The following GFRA2 variants were observed in gnomAD, a reference collection of about 807,000 sequenced individuals.
GFRA2 encodes the protein GDNF family receptor alpha-2.
GFRA2 carries 17 observed loss-of-function variants against 48.3 expected under a neutral mutation model. That is an observed-to-expected ratio of 0.35 (90% CI 0.24 to 0.53). The LOEUF (loss-of-function observed/expected upper bound fraction) is 0.53. Ranked by LOEUF, GFRA2 falls within the 20% of genes least tolerant of loss-of-function variation. GFRA2 has a pLI of 0.93. For missense variants in GFRA2, 660 were observed against 637.3 expected (o/e 1.04, Z -0.38); for synonymous variants, 305 against 257.2 (o/e 1.19, Z -1.78).
chr8:21,793,643 T>C (rs1355526192), upstream of GFRA2, among the ~76,000 whole-genome samples: 1 of 152,184 alleles, frequency 6.6e-6, no homozygotes, highest in African/African-American at 2.4e-5. Flanking sequence ...AGAGAAGTGA[T>C]TCAACTGCCC....
chr8:21,809,515 A>G (rs1014329233), intron 1 of GFRA2, among the ~76,000 whole-genome samples: 6 of 151,970 alleles, frequency 3.9e-5, no homozygotes, highest in Non-Finnish European at 7.4e-5. Context: ...TTTTAGTAGA[A>G]AAGGGGTTTC....
chr8:21,744,017 G>A (rs575167245), intron 4 of GFRA2, among the ~76,000 whole-genome samples: 3 of 152,300 alleles, frequency 2.0e-5, no homozygotes, highest in South Asian at 2.1e-4. Context: ...CACAGCCCAC[G>A]TAACCCCGTG....
At chr8:21,764,213 T>C (rs1461882591) in intron 3 of GFRA2, among the ~76,000 whole-genome samples, 1 of 152,158 alleles carries the variant, frequency 6.6e-6, no homozygotes, top group African/African-American at 2.4e-5. Flanking sequence ...AAGTCCAACA[T>C]CGAGGTGCTG....
intron 2 of GFRA2, among the ~76,000 whole-genome samples, chr8:21,799,750 C>G (rs1807739762): frequency 1.3e-5 from 2 of 152,156 alleles, no homozygotes; most frequent in Non-Finnish European, 1.5e-5. Context: ...AGTCCTCAAG[C>G]TAATCCCCCT....
At chr8:21,770,309 C>T (rs1038227847) in intron 3 of GFRA2, among the ~76,000 whole-genome samples, 2 of 152,278 alleles carry the variant, frequency 1.3e-5, no homozygotes, top group Admixed American at 6.5e-5. Flanking sequence ...GTTTTAAAAG[C>T]TAACCTGGCT....
In GFRA2 at chr8:21,690,448, G is replaced by A. The variant is rs1585211575; in HGVS notation, c.*2830C>T. The A allele has an allele frequency of 6.6e-6, 1 of 152,260 alleles. No individual in the cohort carries two copies. The highest frequency in any genetic ancestry group is 2.4e-5 in the African/African-American group (1 of 41,538). 9.4% of individuals were successfully genotyped at this position (152,260 alleles called of 1,614,324 possible). A position where few individuals can be genotyped will look rare whatever the true frequency, so the allele number is the denominator to read the frequency against. On this transcript the variant is annotated 3_prime_UTR_variant, in exon 9 of 9. Coordinates refer to ENST00000524240, the MANE Select transcript of GFRA2 (RefSeq NM_001495.5). ...TCTTCTAGTTCGATTTGCATATTTT[G>A]AGAGAATCACAAATAGGAATCATCT...
intron 3 of GFRA2, among the ~76,000 whole-genome samples, chr8:21,752,080 G>C (rs544125695): frequency 2.4e-4 from 36 of 152,242 alleles, no homozygotes; most frequent in African/African-American, 8.4e-4. Flanking sequence ...GCCTTTGTAA[G>C]CATGAATGAG....
intron 3 of GFRA2, among the ~76,000 whole-genome samples, chr8:21,758,055 T>C (rs1471106486): frequency 6.6e-6 from 1 of 152,062 alleles, no homozygotes; most frequent in Non-Finnish European, 1.5e-5. Context: ...CTCTGGTGCA[T>C]TTGTGACTCA....
chr8:21,715,825 A>C (rs1243739915), intron 4 of GFRA2, among the ~76,000 whole-genome samples: 1 of 152,212 alleles, frequency 6.6e-6, no homozygotes, highest in Non-Finnish European at 1.5e-5. Context: ...CCTAATAAGA[A>C]TACACATGCA....
Position 21,750,505 on chromosome 8 carries a change from C to G in GFRA2, c.794+83G>C. On this transcript the variant is annotated intron_variant, in intron 4 of 8. Coordinates refer to ENST00000524240, the MANE Select transcript of GFRA2 (RefSeq NM_001495.5). This position sits in a 1 kb window ranked among gnomAD's most constrained non-coding sequence, Gnocchi z 5.7. ...ACTCAGGGTCATAATTCGATGCACC[C>G]AAGGAATGCAGAGAAAGGAAAACAC... 1 of 753,360 alleles carries G rather than the reference C, an allele frequency of 1.3e-6. No homozygotes were observed. 46.7% of individuals were successfully genotyped at this position (753,360 alleles called of 1,614,324 possible). A position where few individuals can be genotyped will look rare whatever the true frequency, so the allele number is the denominator to read the frequency against.
chr8:21,703,156 G>A lies in GFRA2; in HGVS notation c.1046-179C>T, dbSNP rs143379403. Among the ~76,000 whole-genome samples, 363 of 152,230 alleles carry A rather than the reference G, an allele frequency of 2.4e-3. 1 individual carries two copies. Among genetic ancestry groups the A allele is most frequent in the African/African-American group, 8.6e-3 (357 of 41,542 alleles). ...ACCTCTTCTTCAGATACCTACAAAG[G>A]TCTCACAGCTACAGAATATAGCAAG... On this transcript the variant is annotated intron_variant, in intron 6 of 8. Coordinates refer to ENST00000524240, the MANE Select transcript of GFRA2 (RefSeq NM_001495.5).
At chr8:21,787,394 C>T (rs372438359) in intron 1 of GFRA2, among the ~76,000 whole-genome samples, 4,317 of 152,288 alleles carry the variant, frequency 0.028, 214 homozygotes, top group African/African-American at 0.099. Flanking sequence ...TTCCCACCAG[C>T]CACGGGGGTC....
intron 2 of GFRA2, among the ~76,000 whole-genome samples, chr8:21,775,653 G>A (rs1228823334): frequency 6.6e-6 from 1 of 152,132 alleles, no homozygotes; most frequent in East Asian, 1.9e-4. Context: ...GCCCCCCATC[G>A]TGTCACCAGG....
chr8:21,769,286 T>G, intron 3 of GFRA2: 5 of 306,724 alleles, frequency 1.6e-5, no homozygotes, highest in South Asian at 1.4e-4. Flanking sequence ...CCATGATCGA[T>G]TCCTGCACAC....
At chr8:21,777,080 T>C (rs1806743270) in intron 2 of GFRA2, among the ~76,000 whole-genome samples, 1 of 152,176 alleles carries the variant, frequency 6.6e-6, no homozygotes, top group Non-Finnish European at 1.5e-5. Flanking sequence ...ACTATTTTTC[T>C]CCCTGTTTGA....
intron 4 of GFRA2, among the ~76,000 whole-genome samples, chr8:21,720,655 A>G (rs1803550931): frequency 6.6e-6 from 1 of 152,098 alleles, no homozygotes; most frequent in African/African-American, 2.4e-5. Context: ...GTGACGTTTC[A>G]TATGCCTTGG....
intron 3 of GFRA2, among the ~76,000 whole-genome samples, chr8:21,774,400 C>G (rs1486747739): frequency 1.3e-5 from 2 of 152,016 alleles, no homozygotes; most frequent in African/African-American, 4.8e-5. Context: ...CCTGCAGACA[C>G]CTCCCTTCAT....
In GFRA2 at chr8:21,753,056, C is replaced by T. The variant is rs372182249; in HGVS notation, c.440-2114G>A. On this transcript the variant is annotated intron_variant, in intron 3 of 8. Coordinates refer to ENST00000524240, the MANE Select transcript of GFRA2 (RefSeq NM_001495.5). ...CATCACAGCAGCTGGAGAGAACCTT[C>T]TAGAACCTACAGCAGACAGCCATTG... Among the ~76,000 whole-genome samples the T allele has an allele frequency of 1.4e-4, 22 of 152,236 alleles. 1 individual carries two copies. The highest frequency in any genetic ancestry group is 1.0e-3 in the South Asian group (5 of 4,822).
At chr8:21,712,250 C>G (rs1337261099) in intron 4 of GFRA2, among the ~76,000 whole-genome samples, 73 of 149,540 alleles carry the variant, frequency 4.9e-4, no homozygotes, top group Non-Finnish European at 9.1e-4. Flanking sequence ...ACTTCTCAGA[C>G]GGGGCGGCTG....
Sources: gnomAD v4.1 joint callset for allele counts (sites outside exome capture counted in the v4.1 genomes callset) on GRCh38, gnomAD v4.1.1 for gene constraint, Gnocchi (gnomAD v3.1) non-coding constraint, MANE v1.5 for transcripts, NCBI Gene and HGNC (gene_info 2026-07-23, HGNC 2026-07-21) for gene names.